MYOM2: variants seen among roughly 807,000 people sequenced by gnomAD.
The protein encoded by MYOM2 is myomesin 2, also known as myomesin-2.
In MYOM2, 254 loss-of-function variants were observed where a neutral mutation model predicts 187.6. The observed-to-expected ratio is 1.35, with a 90% CI of 1.22 to 1.50. The LOEUF is 1.50. Among genes scored for constraint, MYOM2 ranks in the 40% most tolerant of loss-of-function variants. MYOM2 has a pLI of 0.00. For synonymous variants in MYOM2, 981 were observed against 753.8 expected (o/e 1.30, Z -4.94); for missense variants, 2,796 against 1,924.0 (o/e 1.45, Z -8.48).
chr8:2,048,145 A>G (rs1818368831), intron 1 of MYOM2, among the ~76,000 whole-genome samples: 1 of 152,270 alleles, frequency 6.6e-6, no homozygotes, highest in African/African-American at 2.4e-5. Context: ...AAGTGTAAGT[A>G]GATACTGTGA....
In MYOM2 at chr8:2,131,643, CTTT is replaced by C. The variant is rs5888888; in HGVS notation, c.3800+2427_3800+2429del. ...TATACAACAAAACAGGCATTTCTTT[CTTT>C]TTTTTTTTTTTTTTTGAGACAGAAT... On this transcript the variant is annotated intron_variant, in intron 32 of 36. Coordinates refer to ENST00000262113, the MANE Select transcript of MYOM2 (RefSeq NM_003970.4). Among the ~76,000 whole-genome samples, 727 of 113,928 alleles carry C rather than the reference CTTT, an allele frequency of 6.4e-3. 4 individuals carry two copies. Among genetic ancestry groups the C allele is most frequent in the African/African-American group, 0.018 (503 of 27,286 alleles). 74.7% of individuals were successfully genotyped at this position (113,928 alleles called of 152,430 possible).
intron 31 of MYOM2, among the ~76,000 whole-genome samples, chr8:2,126,295 T>A (rs1021488989): frequency 6.6e-6 from 1 of 152,080 alleles, no homozygotes; most frequent in Non-Finnish European, 1.5e-5. Context: ...CTGGACGCCA[T>A]GGGCTGGAGT....
intron 11 of MYOM2, among the ~76,000 whole-genome samples, chr8:2,076,863 C>T (rs1819442585): frequency 6.6e-6 from 1 of 152,202 alleles, no homozygotes; most frequent in South Asian, 2.1e-4. Flanking sequence ...TCTTTGACTT[C>T]CCGTACTGGG....
rs763664241 is a variant in MYOM2 at position 2,057,370 on chromosome 8, T to G, written c.286T>G (p.Tyr96Asp). The G allele has an allele frequency of 1.2e-6, 2 of 1,611,944 alleles. No individual in the cohort carries two copies. Among genetic ancestry groups the G allele is most frequent in the Non-Finnish European group, 1.7e-6 (2 of 1,178,934 alleles). The change falls in exon 4 of 37, where the codon TAT becomes GAT. Residue 96 changes from tyrosine to aspartate, a missense_variant. Coordinates refer to ENST00000262113, the MANE Select transcript of MYOM2 (RefSeq NM_003970.4). The part of the protein sequence containing the change: ...RSRYQSLVAA[Y>D]GEAKRQRFLS... The stretch of plus-strand genomic sequence containing the variant: ...CAGGTACCAGTCCCTGGTGGCCGCC[T>G]ATGGTGAGGCCAAGCGACAGCGCTT...
Position 2,077,110 on chromosome 8 carries a change from G to C in MYOM2, c.1262+828G>C, listed in dbSNP as rs115473462. Among the ~76,000 whole-genome samples the C allele has an allele frequency of 2.7e-3, 417 of 152,276 alleles. 4 individuals carry two copies. Among genetic ancestry groups the C allele is most frequent in the African/African-American group, 9.7e-3 (403 of 41,560 alleles). On this transcript the variant is annotated intron_variant, in intron 11 of 36. Transcript: ENST00000262113. ...GCGGATTACAAGTTCAGGAGATCAA[G>C]AGCATGCTGGCCAGCATGGTGAAAC...
In MYOM2 at chr8:2,140,819, A is replaced by C; in HGVS notation, c.3897A>C (p.Gly1299=). The change falls in exon 33 of 37, where the codon GGA becomes GGC. Residue 1299 remains glycine (G), a synonymous_variant. Transcript: ENST00000262113. Reference sequence around the variant, plus strand: ...GTGAGCCGACTGAGAAGGATAAAGGAAAATACACTTTTGAGATTTTCGATG... The same window carrying C: ...GTGAGCCGACTGAGAAGGATAAAGGCAAATACACTTTTGAGATTTTCGATG... ...QICEPTEKDK[G]KYTFEIFDGK... The C allele has an allele frequency of 6.2e-7, 1 of 1,614,096 alleles. No individual in the cohort carries two copies. Among genetic ancestry groups the C allele is most frequent in the South Asian group, 1.1e-5 (1 of 91,076 alleles).
At chr8:2,144,269 G>A (rs1015313729) in intron 36 of MYOM2, among the ~76,000 whole-genome samples, 1 of 152,222 alleles carries the variant, frequency 6.6e-6, no homozygotes, top group Non-Finnish European at 1.5e-5. Context: ...TATTCAATGG[G>A]TTTGCCAGAG....
At chr8:2,093,843 T>G (rs1214458104) in intron 16 of MYOM2, 127 bp from the exon 17 acceptor site, 2 of 1,120,250 alleles carry the variant, frequency 1.8e-6, no homozygotes, top group African/African-American at 3.1e-5. Context: ...TTAACTAGAA[T>G]TGAAAATGAA....
At chr8:2,061,996 C>CGTTGTGGT (rs1211924897) in intron 6 of MYOM2, among the ~76,000 whole-genome samples, 184 of 152,218 alleles carry the variant, frequency 1.2e-3, no homozygotes, top group African/African-American at 4.3e-3. Flanking sequence ...GGCTGTGGCC[C>CGTTGTGGT]GTTGTGGTGT....
chr8:2,095,309 CGACG>C, intron 17 of MYOM2, among the ~76,000 whole-genome samples: 1 of 105,958 alleles, frequency 9.4e-6, no homozygotes, highest in East Asian at 2.5e-4. Context: ...TTTTTTTTTT[CGACG>C]TAGAGTCTCG....
chr8:2,113,463 G>A (rs1276239339), intron 25 of MYOM2, among the ~76,000 whole-genome samples: 2 of 152,218 alleles, frequency 1.3e-5, no homozygotes, highest in African/African-American at 4.8e-5. Flanking sequence ...CCCAGATGCT[G>A]CCTGGGGTGG....
At chr8:2,137,877 G>A (rs989707367) in intron 32 of MYOM2, among the ~76,000 whole-genome samples, 1 of 152,228 alleles carries the variant, frequency 6.6e-6, no homozygotes, top group Non-Finnish European at 1.5e-5. Flanking sequence ...TGTCCCTACA[G>A]TGTGTCAGTG....
chr8:2,085,488 G>A (rs1819799799), intron 14 of MYOM2, 98 bp downstream of exon 14: 2 of 1,399,574 alleles, frequency 1.4e-6, no homozygotes, highest in East Asian at 2.6e-5. Context: ...TCTCCGCGTG[G>A]CCCCTCACTG....
intron 32 of MYOM2, among the ~76,000 whole-genome samples, chr8:2,138,484 G>A (rs549102735): frequency 3.3e-5 from 5 of 152,310 alleles, no homozygotes; most frequent in African/African-American, 4.8e-5. Context: ...CGATTCTCCC[G>A]CCTCTTTCCG....
Position 2,117,867 on chromosome 8 carries a change from C to T in MYOM2, c.3386-18C>T. 1 of 1,591,686 alleles carries T rather than the reference C, an allele frequency of 6.3e-7. No homozygotes were observed. Among genetic ancestry groups the T allele is most frequent in the South Asian group, 1.2e-5 (1 of 86,680 alleles). On this transcript the variant is annotated intron_variant, in intron 27 of 36. Transcript: ENST00000262113. Reference sequence around the variant, plus strand: ...TTTTTCCTTTTTTATATGTTTTCTTCCCTTTTTTCCTCCCTAGGCCCTCAT... The same window carrying T: ...TTTTTCCTTTTTTATATGTTTTCTTTCCTTTTTTCCTCCCTAGGCCCTCAT...
At chr8:2,108,872 G>A in intron 24 of MYOM2, 42 bp downstream of exon 24, 1 of 1,598,798 alleles carries the variant, frequency 6.3e-7, no homozygotes, top group African/African-American at 1.3e-5. Context: ...TGCAGCTGCT[G>A]GCTGGAGGGC....
At chr8:2,060,194 A>C (rs938529555) in intron 6 of MYOM2, among the ~76,000 whole-genome samples, 1 of 152,150 alleles carries the variant, frequency 6.6e-6, no homozygotes, top group Non-Finnish European at 1.5e-5. Context: ...TATGGCTCTC[A>C]TGTTAATTTT....
Position 2,109,385 on chromosome 8 carries a change from C to T in MYOM2, c.3044-10C>T, listed in dbSNP as rs774203378. ...GCATTATTGACTTGCGATTTCTTTTCTTCCTGTAGCAATTCCTCTGAAATC... is the reference window on the plus strand; with the variant it reads ...GCATTATTGACTTGCGATTTCTTTTTTTCCTGTAGCAATTCCTCTGAAATC... On this transcript the variant is annotated splice_polypyrimidine_tract_variant and intron_variant, in intron 24 of 36. Coordinates refer to ENST00000262113, the MANE Select transcript of MYOM2 (RefSeq NM_003970.4). 1.3e-5 allele frequency: 21 copies of T among 1,593,350 alleles called. No homozygotes were observed. The highest frequency in any genetic ancestry group is 1.8e-5 in the Non-Finnish European group (21 of 1,171,218).
chr8:2,059,944 G>T (rs1818797067), intron 6 of MYOM2, among the ~76,000 whole-genome samples: 2 of 152,100 alleles, frequency 1.3e-5, no homozygotes, highest in Admixed American at 1.3e-4. Flanking sequence ...GTTTCACCAT[G>T]TTGGTCAGGC....
Sources: allele counts gnomAD v4.1 joint callset (sites outside exome capture counted in the v4.1 genomes callset), GRCh38; gene constraint gnomAD v4.1.1; transcripts MANE v1.5; gene names NCBI Gene and HGNC (gene_info 2026-07-23, HGNC 2026-07-21).